Variants in SGCD observed in about 807,000 individuals in gnomAD.
SGCD encodes sarcoglycan delta.
A neutral mutation model predicts 36.6 loss-of-function variants in SGCD; 18 were observed. The observed-to-expected ratio is 0.49, with a 90% CI of 0.34 to 0.73. The LOEUF is 0.73. Ranked by LOEUF, SGCD falls within the 30% of genes least tolerant of loss-of-function variation. The pLI is 0.01. For synonymous variants in SGCD, 133 were observed against 130.6 expected (o/e 1.02, Z -0.12); for missense variants, 387 against 346.7 (o/e 1.12, Z -0.92).
intron 4 of SGCD, among the ~76,000 whole-genome samples, chr5:156,548,961 T>C (rs571942662): frequency 6.6e-6 from 1 of 152,248 alleles, no homozygotes; most frequent in Admixed American, 6.5e-5. Flanking sequence ...TGATTCAGCC[T>C]TGAGCTCCTT....
At chr5:156,117,110 A>C (rs1761923421) in intron 1 of SGCD, among the ~76,000 whole-genome samples, 1 of 152,074 alleles carries the variant, frequency 6.6e-6, no homozygotes. Context: ...ATTTTCCTAT[A>C]CAGATAATAT....
intron 1 of SGCD, among the ~76,000 whole-genome samples, chr5:155,925,702 A>G (rs993636341): frequency 5.3e-5 from 8 of 152,108 alleles, no homozygotes; most frequent in African/African-American, 1.7e-4. Context: ...TGCAGCCTCA[A>G]ACTCCTTGGC....
intron 3 of SGCD, among the ~76,000 whole-genome samples, chr5:156,374,748 G>A (rs13355607): frequency 0.11 from 15,282 of 144,220 alleles, 879 homozygotes; most frequent in South Asian, 0.21. Flanking sequence ...TGCAAGCTCC[G>A]CCTCCCAGGT....
chr5:156,100,630 T>C (rs1306018305), intron 1 of SGCD, among the ~76,000 whole-genome samples: 4 of 152,220 alleles, frequency 2.6e-5, no homozygotes, highest in Non-Finnish European at 5.9e-5. Flanking sequence ...TATTCATGCA[T>C]GTTAGATCAG....
the SGCD span, among the ~76,000 whole-genome samples, chr5:155,746,926 A>G: frequency 1.3e-5 from 2 of 152,142 alleles, no homozygotes; most frequent in South Asian, 4.2e-4. Context: ...GGGTGTCTTA[A>G]GGGTGTTTTG....
chr5:156,461,583 T>G (rs1020680258), intron 3 of SGCD, among the ~76,000 whole-genome samples: 3 of 152,116 alleles, frequency 2.0e-5, no homozygotes, highest in African/African-American at 7.2e-5. Flanking sequence ...TGTTAATAAA[T>G]TCATTTTTGC....
intron 1 of SGCD, among the ~76,000 whole-genome samples, chr5:155,935,007 T>C (rs1166919324): frequency 6.6e-6 from 1 of 152,202 alleles, no homozygotes; most frequent in Non-Finnish European, 1.5e-5. Flanking sequence ...TTGTGTCCAA[T>C]GCTTGGGGAT....
upstream of SGCD, among the ~76,000 whole-genome samples, chr5:156,325,785 A>T (rs772887266): frequency 2.6e-5 from 4 of 152,012 alleles, no homozygotes; most frequent in Non-Finnish European, 4.4e-5. Context: ...GGTGTCTCCA[A>T]CTCCAAAGAT....
chr5:155,734,095 ATAT>A, the SGCD span, among the ~76,000 whole-genome samples: 68 of 147,112 alleles, frequency 4.6e-4, no homozygotes, highest in African/African-American at 1.2e-3. Context: ...TAATATAATA[ATAT>A]TATTAATTAT....
At chr5:156,201,269 T>A (rs1320776516) in intron 3 of SGCD, among the ~76,000 whole-genome samples, 1 of 152,204 alleles carries the variant, frequency 6.6e-6, no homozygotes, top group African/African-American at 2.4e-5. Flanking sequence ...TAAAATGGTA[T>A]AATGGAGCAT....
chr5:156,301,254 T>A (rs1354056831), intron 3 of SGCD, among the ~76,000 whole-genome samples: 1 of 152,056 alleles, frequency 6.6e-6, no homozygotes, highest in African/African-American at 2.4e-5. Context: ...TTTTTGTGTA[T>A]GTGTTGTAGG....
At chr5:156,439,644 A>C (rs771971288) in intron 3 of SGCD, among the ~76,000 whole-genome samples, 19 of 148,918 alleles carry the variant, frequency 1.3e-4, no homozygotes, top group East Asian at 3.9e-4. Flanking sequence ...AAGAGTAAGA[A>C]ATTTTAACCA....
At chr5:156,335,029 C>T (rs1227624237) in intron 2 of SGCD, among the ~76,000 whole-genome samples, 1 of 152,136 alleles carries the variant, frequency 6.6e-6, no homozygotes, top group African/African-American at 2.4e-5. Flanking sequence ...TGAGAATACT[C>T]CTGAATTCCT....
At chr5:156,534,515 C>A (rs903263154) in intron 4 of SGCD, among the ~76,000 whole-genome samples, 2 of 152,162 alleles carry the variant, frequency 1.3e-5, no homozygotes, top group Admixed American at 6.6e-5. Context: ...AACTCCATAG[C>A]CTTCAGCCAT....
intron 3 of SGCD, among the ~76,000 whole-genome samples, chr5:156,188,675 C>T (rs1454712004): frequency 7.8e-6 from 1 of 128,944 alleles, no homozygotes; most frequent in South Asian, 2.8e-4. Flanking sequence ...ACCGCCCCCC[C>T]CGACACACAT....
chr5:156,227,093 T>G (rs1359225603), intron 3 of SGCD, among the ~76,000 whole-genome samples: 1 of 152,168 alleles, frequency 6.6e-6, no homozygotes, highest in Non-Finnish European at 1.5e-5. Context: ...CAAAAGATCA[T>G]TAGTTTAATT....
chr5:156,493,380 C>G (rs1454624753), intron 3 of SGCD, among the ~76,000 whole-genome samples: 1 of 152,126 alleles, frequency 6.6e-6, no homozygotes, highest in Admixed American at 6.6e-5. Context: ...TTAACCAAAT[C>G]TCTTGGCACC....
At chr5:156,240,777 T>A (rs1765286700) in intron 3 of SGCD, among the ~76,000 whole-genome samples, 1 of 152,222 alleles carries the variant, frequency 6.6e-6, no homozygotes. Context: ...TAATTCATAT[T>A]TATTGTATTT....
At chr5:156,262,692 A>C (rs1274941889) in intron 3 of SGCD, among the ~76,000 whole-genome samples, 1 of 151,922 alleles carries the variant, frequency 6.6e-6, no homozygotes, top group Admixed American at 6.6e-5. Context: ...CCCTCCACCT[A>C]TCCTTTCCCC....
Sources: gnomAD v4.1 joint callset for allele counts (sites outside exome capture counted in the v4.1 genomes callset) on GRCh38, gnomAD v4.1.1 for gene constraint, MANE v1.5 for transcripts, NCBI Gene and HGNC (gene_info 2026-07-23, HGNC 2026-07-21) for gene names.